ZNF362: variants seen among roughly 807,000 people sequenced by gnomAD.
The protein encoded by ZNF362 is zinc finger protein 362, also known as rotund homolog.
A neutral mutation model predicts 42.9 loss-of-function variants in ZNF362; 11 were observed. That is an observed-to-expected ratio of 0.26 (90% CI 0.16 to 0.42). The LOEUF (loss-of-function observed/expected upper bound fraction) is 0.42. Ranked by LOEUF, ZNF362 falls within the 20% of genes least tolerant of loss-of-function variation. The pLI is 1.00. For missense variants in ZNF362, 362 were observed against 576.2 expected, an observed-to-expected ratio of 0.63 and a Z score of 3.81; for synonymous variants, 255 against 257.3, an observed-to-expected ratio of 0.99 and a Z score of 0.09.
the ZNF362 span, among the ~76,000 whole-genome samples, chr1:33,216,893 A>G: frequency 1.3e-5 from 2 of 151,796 alleles, no homozygotes; most frequent in Admixed American, 1.3e-4. Flanking sequence ...GAAGGCCTTG[A>G]ATAAGGGCGG....
the ZNF362 span, chr1:33,166,271 TAATAGA>T: frequency 6.6e-6 from 1 of 152,312 alleles, no homozygotes; most frequent in Non-Finnish European, 1.5e-5. Context: ...AATGAAATAA[TAATAGA>T]AATAAAGTGC....
the ZNF362 span, among the ~76,000 whole-genome samples, chr1:33,187,968 G>A: frequency 2.0e-5 from 3 of 152,202 alleles, no homozygotes; most frequent in Non-Finnish European, 4.4e-5. Flanking sequence ...GGGTGTGATG[G>A]CTCACGCCTG....
intron 1 of ZNF362, among the ~76,000 whole-genome samples, chr1:33,265,875 C>T (rs1021439429): frequency 2.0e-5 from 3 of 152,178 alleles, no homozygotes; most frequent in African/African-American, 7.2e-5. Context: ...CTCCAGCCAC[C>T]CCACCCTTCT....
the ZNF362 span, among the ~76,000 whole-genome samples, chr1:33,139,884 C>T: frequency 1.1e-4 from 17 of 152,258 alleles, no homozygotes; most frequent in Middle Eastern, 3.4e-3. Context: ...TCTATCCTCC[C>T]CATAATCTTT....
chr1:33,167,072 A>T, the ZNF362 span, among the ~76,000 whole-genome samples: 1 of 152,066 alleles, frequency 6.6e-6, no homozygotes, highest in African/African-American at 2.4e-5. This position sits in a 1 kb window ranked among gnomAD's most constrained non-coding sequence, Gnocchi z 4.2. Flanking sequence ...TCTTCAGACT[A>T]TGCCCTGGCT....
chr1:33,250,649 G>A, the ZNF362 span, among the ~76,000 whole-genome samples: 6,340 of 152,064 alleles, frequency 0.042, 158 homozygotes, highest in African/African-American at 0.056. Flanking sequence ...TTAATGCCTA[G>A]GTGATGGGTT....
the ZNF362 span, among the ~76,000 whole-genome samples, chr1:33,208,259 G>T: frequency 6.6e-6 from 1 of 152,140 alleles, no homozygotes; most frequent in Non-Finnish European, 1.5e-5. Context: ...TGTTATTTCT[G>T]TGGCCTCTGT....
At position 33,270,383 on chromosome 1, in the gene ZNF362, A is replaced by G. The variant is rs1645893268; in HGVS notation, c.-88-104A>G. Reference sequence around the variant, plus strand: ...AGAGTCATTGGGAAGATTCAGTGACATGAATCATGACATATTCAACACATA... The same window carrying G: ...AGAGTCATTGGGAAGATTCAGTGACGTGAATCATGACATATTCAACACATA... On this transcript the variant is annotated intron_variant, in intron 1 of 8. Transcript: ENST00000539719. The G allele has an allele frequency of 1.6e-5, 9 of 550,058 alleles. No homozygotes were observed. The South Asian group carries it at 1.7e-4, about 10-fold the overall frequency. 34.1% of individuals were successfully genotyped at this position (550,058 alleles called of 1,614,324 possible). A position where few individuals can be genotyped will look rare whatever the true frequency, so the allele number is the denominator to read the frequency against.
chr1:33,295,122 C>G (rs757354000), intron 7 of ZNF362, 25 bp from the exon 8 acceptor site: 6 of 1,613,624 alleles, frequency 3.7e-6, no homozygotes, highest in Non-Finnish European at 5.1e-6. Flanking sequence ...TGTTCCTCTC[C>G]TGACCCCCTG....
chr1:33,210,731 G>A, the ZNF362 span, among the ~76,000 whole-genome samples: 5 of 151,980 alleles, frequency 3.3e-5, no homozygotes. Flanking sequence ...TGTTTTATCA[G>A]AGACCCAGGA....
the ZNF362 span, among the ~76,000 whole-genome samples, chr1:33,241,288 A>G: frequency 6.6e-6 from 1 of 152,112 alleles, no homozygotes; most frequent in African/African-American, 2.4e-5. Context: ...TGAGATCAGG[A>G]GTTTGAAACC....
At chr1:33,274,037 G>T (rs975186861) in intron 2 of ZNF362, among the ~76,000 whole-genome samples, 9 of 152,112 alleles carry the variant, frequency 5.9e-5, no homozygotes, top group African/African-American at 1.4e-4. Context: ...TTACATCTCG[G>T]TCCCCTCCAC....
At chr1:33,181,143 T>C in the ZNF362 span, 1 of 1,600,632 alleles carries the variant, frequency 6.2e-7, no homozygotes, top group Non-Finnish European at 8.5e-7. The surrounding 1 kb of genome is among the most constrained non-coding windows in gnomAD (Gnocchi z 6.5). Flanking sequence ...CTTGACCTTG[T>C]CGTGCGCCTG....
At chr1:33,259,983 G>C (rs1645818568) in intron 1 of ZNF362, among the ~76,000 whole-genome samples, 2 of 152,196 alleles carry the variant, frequency 1.3e-5, no homozygotes, top group Admixed American at 1.3e-4. Context: ...AATCTCTCAT[G>C]GGTTGTTGGG....
At chr1:33,298,421 G>C (rs983299032) in intron 8 of ZNF362, among the ~76,000 whole-genome samples, 1 of 152,230 alleles carries the variant, frequency 6.6e-6, no homozygotes, top group African/African-American at 2.4e-5. Flanking sequence ...CTAAGGGCTT[G>C]ATCTTTGTCA....
chr1:33,180,620 C>T, the ZNF362 span, among the ~76,000 whole-genome samples: 4 of 152,226 alleles, frequency 2.6e-5, no homozygotes, highest in Admixed American at 6.5e-5. Flanking sequence ...CTCGCGACCT[C>T]GCCCTCAGTC....
At chr1:33,134,473 T>C in the ZNF362 span, among the ~76,000 whole-genome samples, 3 of 151,960 alleles carry the variant, frequency 2.0e-5, no homozygotes, top group Admixed American at 6.6e-5. Context: ...GAAGGAGTCA[T>C]TGGAAAAGGA....
At chr1:33,256,390 C>A (rs1645790459), upstream of ZNF362, among the ~76,000 whole-genome samples, 1 of 138,496 alleles carries the variant, frequency 7.2e-6, no homozygotes, top group Non-Finnish European at 1.6e-5. Context: ...CGGAGCCGGG[C>A]GCCTGGCGCG....
the ZNF362 span, among the ~76,000 whole-genome samples, chr1:33,127,964 T>C: frequency 6.6e-6 from 1 of 152,164 alleles, no homozygotes; most frequent in Admixed American, 6.5e-5. Context: ...TTCTGCCAGT[T>C]ATTAGCTGTG....
Sources: allele counts gnomAD v4.1 joint callset (sites outside exome capture counted in the v4.1 genomes callset), GRCh38; gene constraint gnomAD v4.1.1; non-coding constraint Gnocchi (gnomAD v3.1); transcripts MANE v1.5; gene names NCBI Gene and HGNC (gene_info 2026-07-23, HGNC 2026-07-21).